KANSL2: variants seen among roughly 807,000 people sequenced by gnomAD.
The protein encoded by KANSL2 is NSL complex protein NSL2.
Under a neutral mutation model 55.6 loss-of-function variants are expected in KANSL2, and 34 were observed. The observed-to-expected ratio is 0.61, with a 90% CI of 0.46 to 0.81. The LOEUF is 0.81. Ranked by LOEUF, KANSL2 falls within the 40% of genes least tolerant of loss-of-function variation. The probability of loss-of-function intolerance (pLI) is 0.00; values close to 1 mark genes in which losing one functional copy is unlikely to be tolerated. For missense variants in KANSL2, 502 were observed against 609.9 expected (o/e 0.82, Z 1.86); for synonymous variants, 209 against 214.3 (o/e 0.98, Z 0.22).
At chr12:48,663,915 T>G (rs966288193) in intron 7 of KANSL2, among the ~76,000 whole-genome samples, 2,064 of 77,460 alleles carry the variant, frequency 0.027, 52 homozygotes, top group African/African-American at 0.076. Flanking sequence ...CTATTAGCCT[T>G]TTTTTTTTTT....
intron 6 of KANSL2, among the ~76,000 whole-genome samples, chr12:48,668,065 T>A (rs2137190046): frequency 6.6e-6 from 1 of 152,320 alleles, no homozygotes; most frequent in South Asian, 2.1e-4. Context: ...ACTCTGAAAT[T>A]GCAGCCTTAA....
At chr12:48,657,534 A>G (rs570707689) in intron 8 of KANSL2, among the ~76,000 whole-genome samples, 1 of 152,330 alleles carries the variant, frequency 6.6e-6, no homozygotes, top group African/African-American at 2.4e-5. Context: ...TGTACTACCC[A>G]CAGAAACCAG....
Position 48,669,245 on chromosome 12 carries a change from C to A in KANSL2, c.737G>T (p.Gly246Val). The change falls in exon 6 of 10, where the codon GGA becomes GTA. Residue 246 changes from glycine (G) to valine (V), a missense_variant. By Grantham distance (109) the Gly-to-Val change is moderately radical. Coordinates refer to ENST00000420613, the MANE Select transcript of KANSL2 (RefSeq NM_017822.4). ...LGSSLLTGPE[G>V]LLAKERENLK... ...GTTCTCTCGTTCTTTGGCCAAAAGT[C>A]CCTCTGGGCCAGTCAGGAGACTACT... 6.3e-6 allele frequency: 10 copies of A among 1,574,820 alleles called. No homozygotes were observed. Among genetic ancestry groups the A allele is most frequent in the Non-Finnish European group, 8.6e-6 (10 of 1,159,276 alleles).
At chr12:48,658,884 C>A (rs765222986) in intron 8 of KANSL2, among the ~76,000 whole-genome samples, 1 of 152,234 alleles carries the variant, frequency 6.6e-6, no homozygotes, top group Non-Finnish European at 1.5e-5. Context: ...ACTTGCCAAC[C>A]ATCCTTGCAT....
At chr12:48,658,138 G>A (rs1050090111) in intron 8 of KANSL2, among the ~76,000 whole-genome samples, 31 of 152,160 alleles carry the variant, frequency 2.0e-4, no homozygotes, top group Middle Eastern at 3.4e-3. Flanking sequence ...GGCTTAGACC[G>A]GAGAATCGCT....
intron 7 of KANSL2, among the ~76,000 whole-genome samples, chr12:48,664,600 GAGA>G: frequency 3.5e-5 from 1 of 28,984 alleles, no homozygotes; most frequent in African/African-American, 1.4e-4. Flanking sequence ...TTTTTTTTTT[GAGA>G]TGGAGTCTCA....
rs757072014 is a variant in KANSL2, at chr12:48,660,479, T to C, written c.1114A>G (p.Lys372Glu). ...LHFQLPPQMY[K>E]PEQVLSVPDD... The stretch of plus-strand genomic sequence containing the variant: ...GGCACAGACAGTACCTGCTCGGGCT[T>C]ATACATCTGAGGAGGCAACTGGAAA... Residue 372 changes from lysine to glutamate, a missense_variant, in exon 8 of 10, where the codon AAG (lysine) becomes GAG (glutamate). By Grantham distance (56) the Lys-to-Glu change is moderately conservative. Coordinates refer to ENST00000420613, the MANE Select transcript of KANSL2 (RefSeq NM_017822.4). 8.1e-6 allele frequency: 13 copies of C among 1,613,858 alleles called. No individual in the cohort carries two copies. The highest frequency in any genetic ancestry group is 1.7e-5 in the Admixed American group (1 of 59,992).
chr12:48,654,498 C>T (rs745387623), intron 9 of KANSL2: 3 of 638,240 alleles, frequency 4.7e-6, no homozygotes, highest in Non-Finnish European at 9.1e-6. Flanking sequence ...AGTACAACTG[C>T]TGGTCTTCAG....
chr12:48,675,723 C>T (rs1206672274), intron 4 of KANSL2, among the ~76,000 whole-genome samples: 1 of 152,112 alleles, frequency 6.6e-6, no homozygotes, highest in South Asian at 2.1e-4. Flanking sequence ...AAATGAATGC[C>T]GGCTGGTTCA....
intron 4 of KANSL2, among the ~76,000 whole-genome samples, chr12:48,676,263 G>A (rs1037938486): frequency 8.5e-5 from 13 of 152,238 alleles, no homozygotes; most frequent in African/African-American, 2.4e-4. Flanking sequence ...GCACCACCAC[G>A]TCTGGCTAAT....
intron 8 of KANSL2, among the ~76,000 whole-genome samples, chr12:48,660,078 G>A (rs950385800): frequency 3.3e-5 from 5 of 152,070 alleles, no homozygotes; most frequent in East Asian, 1.9e-4. Context: ...TGGTAGTTGC[G>A]TAACTTTGCG....
At chr12:48,660,763 T>C in intron 7 of KANSL2, 144 bp from the exon 8 acceptor site, 1 of 830,188 alleles carries the variant, frequency 1.2e-6, no homozygotes, top group Non-Finnish European at 1.8e-6. Context: ...CAAATGCAGT[T>C]AGCAATTTTT....
At position 48,660,623 on chromosome 12, in the gene KANSL2, T is replaced by C. The variant is rs753835313; in HGVS notation, c.974-4A>G. 1.9e-5 allele frequency: 31 copies of C among 1,608,706 alleles called. 1 individual carries two copies. The Admixed American group carries it at 2.9e-4, about 15-fold the overall frequency. On this transcript the variant is annotated splice_polypyrimidine_tract_variant and splice_region_variant and intron_variant, in intron 7 of 9. Coordinates refer to ENST00000420613, the MANE Select transcript of KANSL2 (RefSeq NM_017822.4). The stretch of plus-strand genomic sequence containing the variant: ...TGATTCGTATCCTGACAAATATCTG[T>C]AGAAAAATGGTCAAGGGAAATAAAA...
At chr12:48,662,990 C>T (rs1431744073) in intron 7 of KANSL2, among the ~76,000 whole-genome samples, 1 of 152,180 alleles carries the variant, frequency 6.6e-6, no homozygotes, top group Non-Finnish European at 1.5e-5. Flanking sequence ...TGGTTTCATG[C>T]AATTTCAGAC....
chr12:48,658,657 AG>A (rs1158516931), intron 8 of KANSL2: 2 of 152,004 alleles, frequency 1.3e-5, no homozygotes, highest in African/African-American at 4.8e-5. Context: ...CTCGGGAGGC[AG>A]GAACAGGAGA....
intron 5 of KANSL2, among the ~76,000 whole-genome samples, chr12:48,670,976 C>T (rs1417691550): frequency 6.7e-6 from 1 of 150,262 alleles, no homozygotes; most frequent in Non-Finnish European, 1.5e-5. Flanking sequence ...TAAAAAAAAG[C>T]TTATAGGCCA....
Position 48,667,725 on chromosome 12 carries a change from T to C in KANSL2, c.941A>G (p.Gln314Arg). The change falls in exon 7 of 10, where the codon CAG (glutamine) becomes CGG (arginine). Residue 314 changes from glutamine (Q) to arginine (R), a missense_variant. Physicochemically the swap from Gln to Arg is conservative, Grantham distance 43. Coordinates refer to ENST00000420613, the MANE Select transcript of KANSL2 (RefSeq NM_017822.4). ...AFVDDVRCSN[Q>R]SLPMTRHCLT... ...GCAGTGTCTGGTCATTGGAAGAGAC[T>C]GATTGGAACAACGAACATCATCCAC... 3 of 1,613,970 alleles carry C rather than the reference T, an allele frequency of 1.9e-6. No homozygotes were observed. The highest frequency in any genetic ancestry group is 2.5e-6 in the Non-Finnish European group (3 of 1,179,832).
intron 7 of KANSL2, among the ~76,000 whole-genome samples, chr12:48,661,836 G>A (rs755326508): frequency 2.6e-5 from 4 of 152,174 alleles, no homozygotes; most frequent in Non-Finnish European, 5.9e-5. Flanking sequence ...CTAGCTGTCA[G>A]TAGCACCTCC....
At chr12:48,666,121 G>A (rs1412813393) in intron 7 of KANSL2, among the ~76,000 whole-genome samples, 1 of 152,066 alleles carries the variant, frequency 6.6e-6, no homozygotes, top group East Asian at 1.9e-4. Context: ...GGCTGAGGTG[G>A]GAAGATCGTT....
Sources: gnomAD v4.1 joint callset for allele counts (sites outside exome capture counted in the v4.1 genomes callset) on GRCh38, gnomAD v4.1.1 for gene constraint, MANE v1.5 for transcripts, NCBI Gene and HGNC (gene_info 2026-07-23, HGNC 2026-07-21) for gene names.